Variants in EBF1 observed in about 807,000 individuals in gnomAD.
EBF1 encodes transcription factor COE1.
A neutral mutation model predicts 68.4 loss-of-function variants in EBF1; 10 were observed. That is an observed-to-expected ratio of 0.15 (90% CI 0.09 to 0.25). The LOEUF is 0.25. EBF1 is among the 10% of genes least tolerant of loss of function. The pLI is 1.00. For missense variants in EBF1, 509 were observed against 794.4 expected (o/e 0.64, Z 4.32); for synonymous variants, 298 against 299.8 (o/e 0.99, Z 0.06).
intron 4 of EBF1, among the ~76,000 whole-genome samples, chr5:159,086,117 G>A (rs7707897): frequency 0.45 from 67,676 of 151,900 alleles, 15,764 homozygotes; most frequent in African/African-American, 0.59. Flanking sequence ...CCTACAAAAA[G>A]CTTTCAAGAA....
intron 5 of EBF1, among the ~76,000 whole-genome samples, chr5:159,080,982 T>TTTG (rs1220325920): frequency 3.9e-5 from 6 of 152,182 alleles, no homozygotes; most frequent in African/African-American, 1.4e-4. Context: ...AGTACATTTT[T>TTTG]TTGTTGTTGT....
intron 11 of EBF1, among the ~76,000 whole-genome samples, chr5:158,715,963 G>A (rs1760600955): frequency 6.6e-6 from 1 of 152,154 alleles, no homozygotes; most frequent in South Asian, 2.1e-4. Context: ...GCTTGGCAGG[G>A]AACGTATTTT....
chr5:158,699,079 C>G lies in EBF1; in HGVS notation c.*32G>C. On this transcript the variant is annotated 3_prime_UTR_variant, in exon 16 of 16. Transcript: ENST00000313708. ...TACTCTCTGTAGCAGAATCCAACCT[C>G]TTCATTAATACAATTCTTCAAGGCA... is the stretch of plus-strand genomic sequence containing the variant. 6.3e-7 allele frequency: 1 copy of G among 1,589,930 alleles called. No individual in the cohort carries two copies. Among genetic ancestry groups the G allele is most frequent in the African/African-American group, 1.4e-5 (1 of 73,774 alleles).
At chr5:158,988,234 C>A (rs1561718044) in intron 6 of EBF1, among the ~76,000 whole-genome samples, 1 of 152,142 alleles carries the variant, frequency 6.6e-6, no homozygotes, top group Non-Finnish European at 1.5e-5. Context: ...CCCAGTGCCC[C>A]CCCTTCTCTT....
chr5:158,890,591 G>C (rs373138410), intron 6 of EBF1, among the ~76,000 whole-genome samples: 3 of 152,198 alleles, frequency 2.0e-5, no homozygotes, highest in Non-Finnish European at 4.4e-5. Context: ...AGCAGCATTA[G>C]AGTAATTTCC....
chr5:158,889,704 G>A lies in EBF1; in HGVS notation c.555-49594C>T, dbSNP rs543209651. ...ACAGATTAGACCCAGAGGGATTAAGGGAATATGTGTGAAGTCATGGAATGA... is the reference window on the plus strand; with the variant it reads ...ACAGATTAGACCCAGAGGGATTAAGAGAATATGTGTGAAGTCATGGAATGA... On this transcript the variant is annotated intron_variant, in intron 6 of 15. Coordinates refer to ENST00000313708, the MANE Select transcript of EBF1 (RefSeq NM_024007.5). Among the ~76,000 whole-genome samples the A allele has an allele frequency of 2.4e-3, 372 of 152,218 alleles. 7 individuals are homozygous for A. Among genetic ancestry groups the A allele is most frequent in the Admixed American group, 0.02 (303 of 15,284 alleles).
chr5:158,783,833 G>A (rs1776890793), intron 9 of EBF1, among the ~76,000 whole-genome samples: 1 of 152,224 alleles, frequency 6.6e-6, no homozygotes. Flanking sequence ...TCATGCAGCT[G>A]TGCACGTAGA....
At chr5:158,778,181 A>G (rs1775697104) in intron 9 of EBF1, among the ~76,000 whole-genome samples, 1 of 152,184 alleles carries the variant, frequency 6.6e-6, no homozygotes, top group Non-Finnish European at 1.5e-5. Context: ...TCCATTATGC[A>G]ATGCCACGTG....
intron 6 of EBF1, among the ~76,000 whole-genome samples, chr5:158,972,005 C>T (rs1364388871): frequency 6.6e-6 from 1 of 152,242 alleles, no homozygotes; most frequent in Non-Finnish European, 1.5e-5. Context: ...TCTTCCTCTT[C>T]ATCATTTTGC....
intron 6 of EBF1, among the ~76,000 whole-genome samples, chr5:159,057,350 A>G (rs949954453): frequency 6.6e-6 from 1 of 151,914 alleles, no homozygotes; most frequent in African/African-American, 2.4e-5. Flanking sequence ...CAGGTGATCC[A>G]CCTGCCTCAG....
intron 8 of EBF1, among the ~76,000 whole-genome samples, chr5:158,803,843 A>G (rs1404958729): frequency 1.3e-5 from 2 of 149,656 alleles, no homozygotes; most frequent in Admixed American, 1.3e-4. Context: ...TAGGGTTTTT[A>G]TTTCATTTTG....
intron 6 of EBF1, among the ~76,000 whole-genome samples, chr5:158,933,629 C>T (rs1226486154): frequency 6.6e-6 from 1 of 152,218 alleles, no homozygotes; most frequent in African/African-American, 2.4e-5. Flanking sequence ...GGACTTGCAT[C>T]TTTGTCCTGT....
rs1582737989 is a variant in EBF1, at chr5:158,868,926, T to A, written c.555-28816A>T. Reference sequence around the variant, plus strand: ...TTCAAAATGACTTCATAGAATCAACTAACAGCAATCGAAGGAGGTTTCATG... The same window carrying A: ...TTCAAAATGACTTCATAGAATCAACAAACAGCAATCGAAGGAGGTTTCATG... On this transcript the variant is annotated intron_variant, in intron 6 of 15. Coordinates refer to ENST00000313708, the MANE Select transcript of EBF1 (RefSeq NM_024007.5). Among the ~76,000 whole-genome samples, 4 of 152,282 alleles carry A rather than the reference T, an allele frequency of 2.6e-5. No homozygotes were observed. The East Asian group carries it at 5.8e-4, about 22-fold the overall frequency.
At chr5:158,850,438 T>A (rs921460561) in intron 6 of EBF1, among the ~76,000 whole-genome samples, 7 of 152,314 alleles carry the variant, frequency 4.6e-5, no homozygotes, top group African/African-American at 1.7e-4. Context: ...TCTCATGCTG[T>A]CTTCATCAGA....
At chr5:159,092,579 T>C (rs1008080834) in intron 4 of EBF1, among the ~76,000 whole-genome samples, 5 of 152,222 alleles carry the variant, frequency 3.3e-5, no homozygotes, top group African/African-American at 1.2e-4. Flanking sequence ...ATCTCAATGC[T>C]GCTAATCCCA....
At chr5:158,788,128 T>A (rs6869972) in intron 9 of EBF1, among the ~76,000 whole-genome samples, 22,642 of 152,202 alleles carry the variant, frequency 0.15, 2,696 homozygotes, top group African/African-American at 0.33. Context: ...AATTAAGCTG[T>A]ATTTATCCTG....
At chr5:158,890,515 T>TA (rs1800958736) in intron 6 of EBF1, among the ~76,000 whole-genome samples, 1 of 152,256 alleles carries the variant, frequency 6.6e-6, no homozygotes, top group Non-Finnish European at 1.5e-5. Context: ...ATGGGACTCC[T>TA]ATAGCATTAT....
chr5:158,823,067 G>T, intron 8 of EBF1, 109 bp downstream of exon 8: 1 of 1,484,320 alleles, frequency 6.7e-7, no homozygotes, highest in Non-Finnish European at 9.3e-7. Flanking sequence ...TATTCAAAAA[G>T]ACTTTTGAAA....
chr5:158,731,002 C>T, intron 11 of EBF1, 67 bp downstream of exon 11: 1 of 1,446,904 alleles, frequency 6.9e-7, no homozygotes, highest in East Asian at 2.3e-5. Context: ...TTTTTATCAG[C>T]AGCAGAGTTT....
Sources: gnomAD v4.1 joint callset for allele counts (sites outside exome capture counted in the v4.1 genomes callset) on GRCh38, gnomAD v4.1.1 for gene constraint, MANE v1.5 for transcripts, NCBI Gene and HGNC (gene_info 2026-07-23, HGNC 2026-07-21) for gene names.